The following CYLD variants were observed in gnomAD, a reference collection of about 807,000 sequenced individuals.
CYLD encodes ubiquitin carboxyl-terminal hydrolase CYLD.
Under a neutral mutation model 104.5 loss-of-function variants are expected in CYLD, and 26 were observed. The ratio of observed to expected loss-of-function variants is 0.25; its 90% CI spans 0.18 to 0.35. CYLD has a LOEUF of 0.35. CYLD is among the 10% of genes least tolerant of loss of function. The pLI is 1.00. For synonymous variants in CYLD, 385 were observed against 399.9 expected (o/e 0.96, Z 0.45); for missense variants, 703 against 1,136.1 (o/e 0.62, Z 5.48).
chr16:50,755,395 A>G (rs972213434), intron 5 of CYLD, among the ~76,000 whole-genome samples: 5 of 152,128 alleles, frequency 3.3e-5, no homozygotes, highest in Admixed American at 6.6e-5. Flanking sequence ...GTAGACTCCT[A>G]GTAGTGGGAT....
intron 2 of CYLD, among the ~76,000 whole-genome samples, chr16:50,744,538 G>T (rs956789346): frequency 3.9e-5 from 6 of 152,130 alleles, no homozygotes; most frequent in African/African-American, 1.4e-4. Context: ...GCTTCCTGTG[G>T]TTTTTAGAAC....
chr16:50,750,142 C>G lies in CYLD; in HGVS notation c.444C>G (p.Phe148Leu). The G allele has an allele frequency of 6.2e-7, 1 of 1,614,056 alleles. No homozygotes were observed. Among genetic ancestry groups the G allele is most frequent in the Non-Finnish European group, 8.5e-7 (1 of 1,179,988 alleles). ...GEEKFPGVVR[F>L]RGPLLAERTV... ...AAAAATTTCCTGGAGTTGTACGCTT[C>G]AGAGGACCCCTGTTAGCAGAGAGGA... is the stretch of plus-strand genomic sequence containing the variant. The change falls in exon 3 of 19, where the codon TTC (phenylalanine) becomes TTG (leucine). Residue 148 changes from phenylalanine (F) to leucine (L), a missense_variant. Physicochemically the swap from Phe to Leu is conservative, Grantham distance 22. Coordinates refer to ENST00000427738, the MANE Select transcript of CYLD (RefSeq NM_001378743.1).
chr16:50,759,026 G>T (rs913772046), intron 5 of CYLD, among the ~76,000 whole-genome samples: 5 of 152,102 alleles, frequency 3.3e-5, no homozygotes, highest in African/African-American at 1.2e-4. Context: ...ATCACGTGAG[G>T]TCAGGAGTTC....
At chr16:50,793,837 G>A (rs1971680604) in intron 17 of CYLD, among the ~76,000 whole-genome samples, 173 bp downstream of exon 17, 1 of 151,758 alleles carries the variant, frequency 6.6e-6, no homozygotes, top group Non-Finnish European at 1.5e-5. Flanking sequence ...TGTTGGTGAA[G>A]TACTTGATTG....
intron 5 of CYLD, among the ~76,000 whole-genome samples, chr16:50,765,444 C>T (rs763845135): frequency 5.3e-5 from 8 of 152,190 alleles, no homozygotes; most frequent in Non-Finnish European, 7.4e-5. Flanking sequence ...CTGTCTCTCT[C>T]ACTCCTTGGG....
chr16:50,784,439 A>G lies in CYLD; in HGVS notation c.1937A>G (p.Asn646Ser). The part of the protein sequence containing the change: ...TQELLRTEIV[N>S]PLRIYGYVCA... ...GAGCTACTGAGGACAGAAATTGTTA[A>G]TCCTCTGAGAATGTAAGTAGAAAAC... Residue 646 changes from asparagine to serine, a missense_variant, in exon 12 of 19, where the codon AAT (asparagine) becomes AGT (serine). By Grantham distance (46) the Asn-to-Ser change is conservative. Around this residue, in one of 5 missense-constraint regions of CYLD, gnomAD observed 125 missense variants for 325.4 expected, o/e 0.38. Coordinates refer to ENST00000427738, the MANE Select transcript of CYLD (RefSeq NM_001378743.1). 1 of 1,612,980 alleles carries G rather than the reference A, an allele frequency of 6.2e-7. No homozygotes were observed. Among genetic ancestry groups the G allele is most frequent in the Non-Finnish European group, 8.5e-7 (1 of 1,179,688 alleles).
In CYLD at chr16:50,794,355, C is replaced by A. The variant is rs754721077; in HGVS notation, c.2613C>A (p.His871Gln). ...LFAVLCIETS[H>Q]YVAFVKYGKD... ...CTGTTCTCTGCATAGAAACAAGCCACTATGTTGCTTTTGTGAAGTATGGGA... is the reference window on the plus strand; with the variant it reads ...CTGTTCTCTGCATAGAAACAAGCCAATATGTTGCTTTTGTGAAGTATGGGA... Residue 871 changes from histidine (H) to glutamine (Q), a missense_variant, in exon 18 of 19, where the codon CAC (histidine) becomes CAA (glutamine). Transcript: ENST00000427738. This position sits in a 1 kb window ranked among gnomAD's most constrained non-coding sequence, Gnocchi z 4.1. 1.9e-6 allele frequency: 3 copies of A among 1,614,144 alleles called. No individual in the cohort carries two copies. Among genetic ancestry groups the A allele is most frequent in the Non-Finnish European group, 2.5e-6 (3 of 1,180,028 alleles).
chr16:50,752,261 GACAAA>G (rs147180604), intron 4 of CYLD, among the ~76,000 whole-genome samples: 49,917 of 150,966 alleles, frequency 0.33, 8,859 homozygotes, highest in Non-Finnish European at 0.4. Flanking sequence ...CTGACCAGTA[GACAAA>G]ACAAAACAAG....
intron 4 of CYLD, 73 bp downstream of exon 4, chr16:50,751,979 AACATATATATACACACATATATATAC>A (rs1228942334): frequency 1.2e-5 from 4 of 339,622 alleles, no homozygotes; most frequent in African/African-American, 9.4e-5. Context: ...TATATATATA[AACATATATATACACACATATATATAC>A]ACACATATAT....
At position 50,799,288 on chromosome 16, in the gene CYLD, T is replaced by C. The variant is rs917731759; in HGVS notation, c.*2780T>C. The C allele has an allele frequency of 8.6e-6, 2 of 233,234 alleles. No homozygotes were observed. Among genetic ancestry groups the C allele is most frequent in the African/African-American group, 4.4e-5 (2 of 45,308 alleles). The allele number at this position is 233,234 out of a possible 1,614,324, so 14.4% of individuals were successfully genotyped here. A position where few individuals can be genotyped will look rare whatever the true frequency, so the allele number is the denominator to read the frequency against. The stretch of plus-strand genomic sequence containing the variant: ...TGTTCCTCACCTCCAAATAAATATG[T>C]GTGTGTCTGTGTGTGTGTATATATG... On this transcript the variant is annotated 3_prime_UTR_variant, in exon 19 of 19. Coordinates refer to ENST00000427738, the MANE Select transcript of CYLD (RefSeq NM_001378743.1).
rs147283930 is a variant in CYLD at position 50,760,888 on chromosome 16, A to G, written c.913+6464A>G. Among the ~76,000 whole-genome samples the G allele has an allele frequency of 2.0e-3, 305 of 152,338 alleles. 5 individuals are homozygous for G. Among genetic ancestry groups the G allele is most frequent in the African/African-American group, 6.9e-3 (289 of 41,594 alleles). On this transcript the variant is annotated intron_variant, in intron 5 of 18. Coordinates refer to ENST00000427738, the MANE Select transcript of CYLD (RefSeq NM_001378743.1). ...TTGTTAATTGCCTTCAGTCGTAGAT[A>G]TAACAATTTATATTCCTGCCAGTAG...
chr16:50,790,472 T>G (rs1437722371), intron 14 of CYLD, among the ~76,000 whole-genome samples: 1 of 152,178 alleles, frequency 6.6e-6, no homozygotes, highest in African/African-American at 2.4e-5. Flanking sequence ...CTGTAAACTG[T>G]TAATTTTCTA....
intron 5 of CYLD, among the ~76,000 whole-genome samples, chr16:50,755,046 T>TAG (rs1483830882): frequency 8.9e-5 from 3 of 33,782 alleles, no homozygotes; most frequent in African/African-American, 5.7e-4. Context: ...TATATACATA[T>TAG]ATATGTATAT....
chr16:50,756,548 C>A (rs1394542816), intron 5 of CYLD, among the ~76,000 whole-genome samples: 1 of 152,162 alleles, frequency 6.6e-6, no homozygotes, highest in Admixed American at 6.5e-5. Flanking sequence ...AGGTAATTGA[C>A]AATTTCTGTT....
At chr16:50,754,988 CATATATATGTATATATACATATATATGTA>C in intron 5 of CYLD, among the ~76,000 whole-genome samples, 1 of 27,568 alleles carries the variant, frequency 3.6e-5, no homozygotes. Context: ...TACATATATA[CATATATATGTATATATACATATATATGTA>C]TATATACATA....
chr16:50,774,510 C>T (rs1969467814), intron 5 of CYLD, among the ~76,000 whole-genome samples: 1 of 152,160 alleles, frequency 6.6e-6, no homozygotes. Context: ...ATGGCAACAT[C>T]ACTACTCGTG....
chr16:50,777,801 A>G (rs949579743), intron 7 of CYLD, 24 bp from the exon 8 acceptor site: 36 of 1,313,016 alleles, frequency 2.7e-5, no homozygotes, highest in Non-Finnish European at 3.8e-5. Context: ...TTATTTTTAA[A>G]TGAAACTTTT....
chr16:50,797,708 C>G lies in CYLD; in HGVS notation c.*1200C>G, dbSNP rs925408890. The G allele has an allele frequency of 6.4e-5, 15 of 232,764 alleles. No homozygotes were observed. Among genetic ancestry groups the G allele is most frequent in the Non-Finnish European group, 1.0e-4 (12 of 117,786 alleles). 14.4% of individuals were successfully genotyped at this position (232,764 alleles called of 1,614,324 possible). A position where few individuals can be genotyped will look rare whatever the true frequency, so the allele number is the denominator to read the frequency against. On this transcript the variant is annotated 3_prime_UTR_variant, in exon 19 of 19. Coordinates refer to ENST00000427738, the MANE Select transcript of CYLD (RefSeq NM_001378743.1). ...TGGTATCATTGTCTTTCCTGAATGA[C>G]TTTCTAACTGTGCAGAAAGGCAGAA... is the stretch of plus-strand genomic sequence containing the variant.
At chr16:50,748,688 T>C (rs1239179422) in intron 2 of CYLD, among the ~76,000 whole-genome samples, 2 of 152,220 alleles carry the variant, frequency 1.3e-5, no homozygotes, top group African/African-American at 2.4e-5. Context: ...TAAAATATTT[T>C]TAATATAGTC....
Sources: gnomAD v4.1 joint callset for allele counts (sites outside exome capture counted in the v4.1 genomes callset) on GRCh38, gnomAD v4.1.1 for gene constraint, gnomAD v4.1.1 regional missense constraint, Gnocchi (gnomAD v3.1) non-coding constraint, MANE v1.5 for transcripts, NCBI Gene and HGNC (gene_info 2026-07-23, HGNC 2026-07-21) for gene names.